Variants in DHRS12 observed in about 807,000 individuals in gnomAD.
The protein encoded by DHRS12 is dehydrogenase/reductase SDR family member 12.
Under a neutral mutation model 32.1 loss-of-function variants are expected in DHRS12, and 29 were observed. The observed-to-expected ratio is 0.90, with a 90% CI of 0.67 to 1.23. The LOEUF is 1.23. Ranked by LOEUF, DHRS12 falls within the 50% of genes most tolerant of loss-of-function variation. The pLI is 0.00. For synonymous variants in DHRS12, 150 were observed against 135.9 expected (o/e 1.10, Z -0.72); for missense variants, 330 against 337.2 (o/e 0.98, Z 0.17).
At chr13:51,777,252 A>G in intron 4 of DHRS12, 131 bp from the exon 5 acceptor site, 1 of 884,568 alleles carries the variant, frequency 1.1e-6, no homozygotes, top group Non-Finnish European at 1.8e-6. Context: ...CCTGAGGGGC[A>G]GTCCCTCCTT....
chr13:51,797,778 G>A, intron 2 of DHRS12: 1 of 1,515,918 alleles, frequency 6.6e-7, no homozygotes, highest in Non-Finnish European at 8.8e-7. Context: ...CCTCACAGCT[G>A]ACCATGGAGG....
At chr13:51,773,857 G>A in intron 6 of DHRS12, 73 bp downstream of exon 6, 1 of 1,292,930 alleles carries the variant, frequency 7.7e-7, no homozygotes, top group Non-Finnish European at 1.1e-6. Context: ...GCATCCCAGA[G>A]TAAGCTTTCC....
the DHRS12 span, among the ~76,000 whole-genome samples, chr13:51,758,757 A>G: frequency 6.6e-6 from 1 of 152,154 alleles, no homozygotes; most frequent in Non-Finnish European, 1.5e-5. Flanking sequence ...CAAAACGGTA[A>G]TACATATGAG....
intron 5 of DHRS12, chr13:51,776,304 A>G (rs1181548236): frequency 6.6e-6 from 1 of 152,152 alleles, no homozygotes; most frequent in Non-Finnish European, 1.5e-5. Flanking sequence ...GTCTCAGAGG[A>G]GACTCCATTC....
At chr13:51,783,958 T>C (rs1954836805) in intron 4 of DHRS12, among the ~76,000 whole-genome samples, 1 of 152,206 alleles carries the variant, frequency 6.6e-6, no homozygotes, top group Non-Finnish European at 1.5e-5. Context: ...CGTGTGCGTA[T>C]TTTTGTGTGC....
rs552590310 is a variant in DHRS12 at position 51,787,270 on chromosome 13, C to A, written c.301+2741G>T. 2.0e-5 allele frequency among the ~76,000 whole-genome samples: 3 copies of A among 152,292 alleles called. No individual in the cohort carries two copies. In the East Asian group the frequency reaches 5.8e-4, roughly 29 times the overall value. On this transcript the variant is annotated intron_variant, in intron 4 of 8. Coordinates refer to ENST00000444610, the MANE Select transcript of DHRS12 (RefSeq NM_001377533.1). ...GGTGCAACTTAACCAGCTAAATAAT[C>A]AAATAGACAGCCCCTTTAGAGTCTA...
At chr13:51,785,261 G>C (rs1227999977) in intron 4 of DHRS12, among the ~76,000 whole-genome samples, 3 of 151,962 alleles carry the variant, frequency 2.0e-5, no homozygotes, top group Non-Finnish European at 1.5e-5. Context: ...AACAAATAAG[G>C]TGCCTTTGTT....
In DHRS12 at chr13:51,791,239, CA is replaced by C; in HGVS notation, c.144del (p.Ile48MetfsTer26). 6.8e-7 allele frequency: 1 copy of C among 1,473,492 alleles called. No individual in the cohort carries two copies. Among genetic ancestry groups the C allele is most frequent in the Non-Finnish European group, 9.1e-7 (1 of 1,100,122 alleles). 91.3% of individuals were successfully genotyped at this position (1,473,492 alleles called of 1,614,324 possible). A position where few individuals can be genotyped will look rare whatever the true frequency, so the allele number is the denominator to read the frequency against. ...KSPSENIFLHIVDLSDPKQIW... is the reference protein window; with the variant it reads ...KSPSENIFLHXVDLSDPKQIW... ...ATTTGCTTGGGATCAGACAAGTCCA[CA>C]ATGTGCAGAAAAATGTTCTAAATTA... On this transcript the variant is annotated frameshift_variant, in exon 3 of 9. Transcript: ENST00000444610. LOFTEE classifies it high-confidence loss of function.
chr13:51,771,901 A>T lies in DHRS12; in HGVS notation c.479T>A (p.Val160Glu). The T allele has an allele frequency of 3.1e-6, 5 of 1,614,072 alleles. No homozygotes were observed. The highest frequency in any genetic ancestry group is 4.2e-6 in the Non-Finnish European group (5 of 1,180,012). ...MVYAQNKRQQ[V>E]VLTERWAQGH... Reference sequence around the variant, plus strand: ...TTGGGCCCACCGCTCCGTCAGAACCACTTGCTGCCTCTGGACAGGAAGGAG... The same window carrying T: ...TTGGGCCCACCGCTCCGTCAGAACCTCTTGCTGCCTCTGGACAGGAAGGAG... Residue 160 changes from valine to glutamate, a missense_variant, in exon 7 of 9, where the codon GTG (valine) becomes GAG (glutamate). Transcript: ENST00000444610.
intron 6 of DHRS12, chr13:51,773,070 G>A (rs1487601724): frequency 4.1e-6 from 4 of 985,188 alleles, no homozygotes; most frequent in Non-Finnish European, 4.8e-6. Flanking sequence ...CTGTAAATAT[G>A]GAAGTTATAT....
At chr13:51,790,379 A>G (rs1266254043) in intron 3 of DHRS12, among the ~76,000 whole-genome samples, 4 of 152,256 alleles carry the variant, frequency 2.6e-5, no homozygotes, top group Non-Finnish European at 1.5e-5. Flanking sequence ...ACGGTCCAAT[A>G]GAAATATCTA....
the DHRS12 span, chr13:51,759,792 GATAGT>G: frequency 6.2e-7 from 1 of 1,612,872 alleles, no homozygotes; most frequent in Non-Finnish European, 8.5e-7. Context: ...GAATCAGAAA[GATAGT>G]ATTTACTAAA....
intron 2 of DHRS12, among the ~76,000 whole-genome samples, chr13:51,791,980 T>G (rs981206857): frequency 6.6e-6 from 1 of 152,262 alleles, no homozygotes; most frequent in African/African-American, 2.4e-5. Flanking sequence ...GTACCACATT[T>G]TCTTTGTCCA....
intron 7 of DHRS12, chr13:51,771,586 CCCA>C: frequency 1.3e-6 from 2 of 1,546,274 alleles, no homozygotes; most frequent in Non-Finnish European, 1.7e-6. Flanking sequence ...TGCTCCCGTT[CCCA>C]CCATCTCCTT....
intron 4 of DHRS12, chr13:51,789,602 G>A (rs1955165097): frequency 1.0e-6 from 1 of 985,296 alleles, no homozygotes; most frequent in African/African-American, 1.7e-5. Flanking sequence ...CAGAGCCCAG[G>A]TATCTGTGCT....
At chr13:51,792,492 C>T (rs958261212) in intron 2 of DHRS12, among the ~76,000 whole-genome samples, 5 of 152,092 alleles carry the variant, frequency 3.3e-5, no homozygotes, top group African/African-American at 1.2e-4. Flanking sequence ...CTCCGCCTCC[C>T]AGGTTCAAGT....
In DHRS12 at chr13:51,773,999, T is replaced by C; in HGVS notation, c.399A>G (p.Lys133=). The C allele has an allele frequency of 6.2e-7, 1 of 1,614,028 alleles. No homozygotes were observed. Among genetic ancestry groups the C allele is most frequent in the South Asian group, 1.1e-5 (1 of 91,082 alleles). ...TVSSGGMLVQ[K]LNTNDLQSER... ...CGGACTGGAGATCATTGGTGTTCAG[T>C]TTCTGAACCAACATTCCTCCTGAGG... Residue 133 remains lysine, a synonymous_variant, in exon 6 of 9, where the codon AAA becomes AAG. Transcript: ENST00000444610.
At chr13:51,802,406 A>C (rs1955803158) in intron 1 of DHRS12, among the ~76,000 whole-genome samples, 1 of 152,202 alleles carries the variant, frequency 6.6e-6, no homozygotes, top group African/African-American at 2.4e-5. Context: ...TTTTGACTCA[A>C]GCTGAGAGGA....
chr13:51,761,446 G>A, the DHRS12 span: 1 of 152,182 alleles, frequency 6.6e-6, no homozygotes, highest in Non-Finnish European at 1.5e-5. Flanking sequence ...AACCTCACGT[G>A]TCGGGAGCAT....
Sources: gnomAD v4.1 joint callset for allele counts (sites outside exome capture counted in the v4.1 genomes callset) on GRCh38, gnomAD v4.1.1 for gene constraint, MANE v1.5 for transcripts, NCBI Gene and HGNC (gene_info 2026-07-23, HGNC 2026-07-21) for gene names.